DNAH9: variants seen among roughly 807,000 people sequenced by gnomAD.
DNAH9 encodes the protein DNAH9 variant protein.
In DNAH9, 345 loss-of-function variants were observed where a neutral mutation model predicts 471.6. The ratio of observed to expected loss-of-function variants is 0.73; its 90% CI spans 0.67 to 0.80. The LOEUF is 0.80. Ranked by LOEUF, DNAH9 falls within the 30% of genes least tolerant of loss-of-function variation. The pLI is 0.00. For synonymous variants in DNAH9, 2,093 were observed against 2,123.6 expected (o/e 0.99, Z 0.40); for missense variants, 5,407 against 5,609.2 (o/e 0.96, Z 1.15).
At chr17:11,921,677 A>T (rs1974143050) in intron 61 of DNAH9, among the ~76,000 whole-genome samples, 2 of 152,190 alleles carry the variant, frequency 1.3e-5, no homozygotes, top group African/African-American at 4.8e-5. Flanking sequence ...TGAGGCTCAC[A>T]TGGGATGCGG....
At chr17:11,885,504 T>G (rs184715204) in intron 56 of DNAH9, among the ~76,000 whole-genome samples, 8 of 152,368 alleles carry the variant, frequency 5.3e-5, no homozygotes, top group Non-Finnish European at 1.2e-4. Context: ...TTTGTAACAA[T>G]TTCCTGAGAT....
In DNAH9 at chr17:11,834,679, G is replaced by A. The variant is rs768850403; in HGVS notation, c.9288G>A (p.Glu3096=). The A allele has an allele frequency of 1.9e-6, 3 of 1,614,098 alleles. No homozygotes were observed. The highest frequency in any genetic ancestry group is 1.7e-6 in the Non-Finnish European group (2 of 1,179,994). Residue 3096 remains glutamate (E), a synonymous_variant, in exon 49 of 69, where the codon GAG becomes GAA. Transcript: ENST00000262442. The stretch of plus-strand genomic sequence containing the variant: ...CAAAGCTGGCTGCCCAGGAAGTAGA[G>A]CTGAAGCAGAAAAATGAAGATGCAG... ...LKAKLAAQEV[E]LKQKNEDADK...
At position 11,908,981 on chromosome 17, in the gene DNAH9, C is replaced by T. The variant is rs1009389782; in HGVS notation, c.11749+3172C>T. On this transcript the variant is annotated intron_variant, in intron 61 of 68. Coordinates refer to ENST00000262442, the MANE Select transcript of DNAH9 (RefSeq NM_001372.4). The stretch of plus-strand genomic sequence containing the variant: ...ATGCAGTCTCTACTGATTAGGCAAA[C>T]ATCTGGTCCCTGTTGGTACGATGCC... Among the ~76,000 whole-genome samples the T allele has an allele frequency of 2.6e-5, 4 of 152,212 alleles. No individual in the cohort carries two copies. The East Asian group carries it at 7.7e-4, about 29-fold the overall frequency.
chr17:11,711,313 G>C (rs887115229), intron 26 of DNAH9, among the ~76,000 whole-genome samples: 4 of 152,080 alleles, frequency 2.6e-5, no homozygotes, highest in Non-Finnish European at 5.9e-5. Context: ...TGATATTCTG[G>C]GCAAAGAAAT....
intron 67 of DNAH9, among the ~76,000 whole-genome samples, chr17:11,955,964 T>C (rs1975618410): frequency 6.6e-6 from 1 of 152,210 alleles, no homozygotes; most frequent in African/African-American, 2.4e-5. Flanking sequence ...CAACCACCCT[T>C]TTCTATTAAC....
chr17:11,618,678 A>G (rs1280099207), intron 5 of DNAH9, among the ~76,000 whole-genome samples: 2 of 152,196 alleles, frequency 1.3e-5, no homozygotes, highest in Non-Finnish European at 2.9e-5. Flanking sequence ...CTCTGAGAAA[A>G]TAACGAACAA....
chr17:11,861,907 G>C (rs1971862740), intron 50 of DNAH9, among the ~76,000 whole-genome samples: 1 of 151,194 alleles, frequency 6.6e-6, no homozygotes, highest in South Asian at 2.1e-4. Flanking sequence ...GTTCATTGTA[G>C]ATTCTGGATA....
Position 11,905,756 on chromosome 17 carries a change from T to C in DNAH9, c.11696T>C (p.Met3899Thr), listed in dbSNP as rs1973574825. The C allele has an allele frequency of 6.2e-7, 1 of 1,614,136 alleles. No homozygotes were observed. The highest frequency in any genetic ancestry group is 8.5e-7 in the Non-Finnish European group (1 of 1,180,012). The change falls in exon 61 of 69, where the codon ATG becomes ACG. Residue 3899 changes from methionine to threonine, a missense_variant. Met to Thr is a moderately conservative substitution (Grantham distance 81). This residue lies in a region of DNAH9 where 4,636 missense variants were observed against 4,900.3 expected (regional missense o/e 0.95). Coordinates refer to ENST00000262442, the MANE Select transcript of DNAH9 (RefSeq NM_001372.4). ...SFEESGPATP[M>T]FFILSPGVDP... ...GAAGAATCGGGACCAGCCACTCCTA[T>C]GTTTTTCATCCTGTCTCCAGGGGTG...
intron 18 of DNAH9, 44 bp downstream of exon 18, chr17:11,680,023 A>T: frequency 6.6e-7 from 1 of 1,506,838 alleles, no homozygotes; most frequent in Non-Finnish European, 9.2e-7. Context: ...TAGAGGAAAC[A>T]TTTTAGGATT....
intron 49 of DNAH9, among the ~76,000 whole-genome samples, chr17:11,835,889 C>CA (rs1808426835): frequency 6.6e-6 from 1 of 152,212 alleles, no homozygotes; most frequent in African/African-American, 2.4e-5. Flanking sequence ...TTTCCCTGAA[C>CA]AAGCTCTAAG....
At chr17:11,677,523 G>T (rs2074066740) in intron 17 of DNAH9, among the ~76,000 whole-genome samples, 1 of 152,100 alleles carries the variant, frequency 6.6e-6, no homozygotes, top group Non-Finnish European at 1.5e-5. Context: ...TTTCAACCTT[G>T]CTGTGCCCTT....
At chr17:11,793,407 A>C (rs1393772448) in intron 41 of DNAH9, 96 bp from the exon 42 acceptor site, 32 of 1,124,950 alleles carry the variant, frequency 2.8e-5, no homozygotes, top group Non-Finnish European at 3.6e-5. Flanking sequence ...CCTAGACATC[A>C]TCCCAGGTTA....
chr17:11,764,090 C>T (rs1286488978), intron 36 of DNAH9, among the ~76,000 whole-genome samples: 1 of 152,184 alleles, frequency 6.6e-6, no homozygotes, highest in African/African-American at 2.4e-5. Context: ...AAACTCAAAG[C>T]TGTCCAGAGA....
intron 31 of DNAH9, among the ~76,000 whole-genome samples, chr17:11,747,171 C>T (rs550522127): frequency 2.0e-5 from 3 of 152,026 alleles, no homozygotes; most frequent in South Asian, 2.1e-4. Context: ...TCAATTGTTC[C>T]CTCCTCTCTG....
chr17:11,836,885 T>C (rs1048077299), intron 49 of DNAH9, among the ~76,000 whole-genome samples: 2 of 152,250 alleles, frequency 1.3e-5, no homozygotes, highest in African/African-American at 2.4e-5. Flanking sequence ...AAGATGACTA[T>C]CGTTCAAATA....
chr17:11,681,484 T>C (rs1156783301), intron 19 of DNAH9, among the ~76,000 whole-genome samples: 1 of 152,152 alleles, frequency 6.6e-6, no homozygotes, highest in Non-Finnish European at 1.5e-5. Flanking sequence ...GGTGAAGCGG[T>C]CTGCTTCTGG....
chr17:11,632,270 G>T (rs1440185589), intron 7 of DNAH9, among the ~76,000 whole-genome samples: 7 of 152,126 alleles, frequency 4.6e-5, no homozygotes, highest in Non-Finnish European at 1.0e-4. Context: ...TGGTTTTCAG[G>T]GTTATGTGAG....
chr17:11,950,838 C>T (rs1464693647), intron 67 of DNAH9, among the ~76,000 whole-genome samples: 2 of 152,142 alleles, frequency 1.3e-5, no homozygotes, highest in African/African-American at 2.4e-5. Flanking sequence ...CTTCTGAGTC[C>T]AGGGTTCCAT....
intron 36 of DNAH9, among the ~76,000 whole-genome samples, chr17:11,767,431 A>G (rs1968000144): frequency 6.6e-6 from 1 of 152,194 alleles, no homozygotes; most frequent in African/African-American, 2.4e-5. Context: ...TTCCACTCTC[A>G]TTTTAAAGCA....
Sources: gnomAD v4.1 joint callset for allele counts (sites outside exome capture counted in the v4.1 genomes callset) on GRCh38, gnomAD v4.1.1 for gene constraint, gnomAD v4.1.1 regional missense constraint, MANE v1.5 for transcripts, NCBI Gene and HGNC (gene_info 2026-07-23, HGNC 2026-07-21) for gene names.